The following CSMD1 variants were observed in gnomAD, a reference collection of about 807,000 sequenced individuals.
The protein encoded by CSMD1 is CUB and sushi domain-containing protein 1.
In CSMD1, 213 loss-of-function variants were observed where a neutral mutation model predicts 417.5. The ratio of observed to expected loss-of-function variants is 0.51; its 90% CI spans 0.46 to 0.57. The LOEUF (loss-of-function observed/expected upper bound fraction) is 0.57, where lower values mean the gene tolerates loss of function less well. Ranked by LOEUF, CSMD1 falls within the 20% of genes least tolerant of loss-of-function variation. The pLI is 0.00. For missense variants in CSMD1, 6,923 were observed against 4,529.7 expected, an observed-to-expected ratio of 1.53 and a Z score of -15.17; for synonymous variants, 2,862 against 1,736.8, an observed-to-expected ratio of 1.65 and a Z score of -16.11.
intron 3 of CSMD1, among the ~76,000 whole-genome samples, chr8:4,251,733 C>A (rs1563337783): frequency 6.6e-6 from 1 of 151,916 alleles, no homozygotes; most frequent in South Asian, 2.1e-4. Flanking sequence ...GATGAGACGT[C>A]ACAGTTGTGA....
intron 4 of CSMD1, among the ~76,000 whole-genome samples, chr8:4,026,363 G>C (rs1449606236): frequency 6.6e-6 from 1 of 152,226 alleles, no homozygotes; most frequent in Non-Finnish European, 1.5e-5. Context: ...AAAGTTTCCT[G>C]TGATAAAAGC....
intron 5 of CSMD1, among the ~76,000 whole-genome samples, chr8:3,942,023 G>A (rs927701989): frequency 6.6e-6 from 1 of 152,026 alleles, no homozygotes; most frequent in Non-Finnish European, 1.5e-5. Flanking sequence ...AGTGGCATTA[G>A]ATTCTTATAG....
chr8:3,880,395 C>T (rs759518621), intron 5 of CSMD1, among the ~76,000 whole-genome samples: 3 of 152,120 alleles, frequency 2.0e-5, no homozygotes, highest in Non-Finnish European at 2.9e-5. Flanking sequence ...AAATGAACTG[C>T]CTCATGACCA....
At chr8:3,335,500 A>G (rs1164974532) in intron 23 of CSMD1, among the ~76,000 whole-genome samples, 1 of 152,122 alleles carries the variant, frequency 6.6e-6, no homozygotes, top group Non-Finnish European at 1.5e-5. Flanking sequence ...CAACATAGAG[A>G]AACTCCGTCT....
In CSMD1 at chr8:3,398,639, A is replaced by G. The variant is rs545793225; in HGVS notation, c.2405+752T>C. Among the ~76,000 whole-genome samples, 17 of 152,290 alleles carry G rather than the reference A, an allele frequency of 1.1e-4. No individual in the cohort carries two copies. The East Asian group carries it at 2.5e-3, about 23-fold the overall frequency. On this transcript the variant is annotated intron_variant, in intron 16 of 69. Coordinates refer to ENST00000635120, the MANE Select transcript of CSMD1 (RefSeq NM_033225.6). ...GAAGGTCATTGTTAGAGAAAGCCCA[A>G]TGTTATGCAGAGAATAACCTTGAAA...
intron 5 of CSMD1, among the ~76,000 whole-genome samples, chr8:3,950,485 C>T (rs748204945): frequency 3.3e-5 from 5 of 152,166 alleles, no homozygotes; most frequent in South Asian, 2.1e-4. Context: ...AAACATAACA[C>T]GCCCCTTTAC....
chr8:4,533,772 T>G (rs555895547), intron 2 of CSMD1, among the ~76,000 whole-genome samples: 40 of 151,984 alleles, frequency 2.6e-4, no homozygotes, highest in Middle Eastern at 3.4e-3. Context: ...AGTATTTTAA[T>G]AAAAGTACAC....
chr8:4,859,799 G>C (rs1000743460), intron 1 of CSMD1, among the ~76,000 whole-genome samples: 2 of 151,854 alleles, frequency 1.3e-5, no homozygotes, highest in African/African-American at 4.8e-5. Flanking sequence ...GGAACACTTT[G>C]ACACTGTTGG....
At chr8:4,468,375 G>A (rs572161149) in intron 2 of CSMD1, among the ~76,000 whole-genome samples, 68 of 152,282 alleles carry the variant, frequency 4.5e-4, no homozygotes, top group African/African-American at 1.6e-3. Context: ...CATTAATAAA[G>A]AGGATAATAT....
intron 12 of CSMD1, among the ~76,000 whole-genome samples, chr8:3,451,384 C>G (rs1377430021): frequency 1.3e-5 from 2 of 152,132 alleles, no homozygotes; most frequent in Admixed American, 6.5e-5. Context: ...ACATGAAGTC[C>G]TTGCCCATGG....
chr8:4,262,382 A>G (rs1803948997), intron 3 of CSMD1, among the ~76,000 whole-genome samples: 1 of 152,212 alleles, frequency 6.6e-6, no homozygotes, highest in Non-Finnish European at 1.5e-5. Context: ...GCTGAAAGGA[A>G]TCCCAAACCA....
intron 13 of CSMD1, 81 bp downstream of exon 13, chr8:3,409,342 C>T (rs956675405): frequency 5.2e-5 from 67 of 1,294,768 alleles, no homozygotes; most frequent in Middle Eastern, 2.6e-4. Flanking sequence ...CCTAAATGGG[C>T]GGTCTGTGTC....
At chr8:3,336,618 G>A (rs1221507073) in intron 23 of CSMD1, among the ~76,000 whole-genome samples, 1 of 152,192 alleles carries the variant, frequency 6.6e-6, no homozygotes, top group Non-Finnish European at 1.5e-5. Context: ...TTACCACAGA[G>A]CAAGGGGCAC....
chr8:4,484,012 G>A, intron 2 of CSMD1, among the ~76,000 whole-genome samples: 1 of 152,096 alleles, frequency 6.6e-6, no homozygotes, highest in East Asian at 1.9e-4. Context: ...CCCATTGCCT[G>A]TTGGATGATA....
intron 52 of CSMD1, among the ~76,000 whole-genome samples, chr8:3,005,354 C>G (rs1481734644): frequency 6.6e-6 from 1 of 152,182 alleles, no homozygotes; most frequent in East Asian, 1.9e-4. Context: ...CAAGGAGGAA[C>G]TGGTACCATT....
intron 7 of CSMD1, among the ~76,000 whole-genome samples, chr8:3,650,673 C>A (rs1256921423): frequency 6.6e-6 from 1 of 152,138 alleles, no homozygotes; most frequent in Non-Finnish European, 1.5e-5. Flanking sequence ...GAGAACTGTT[C>A]GAAGTGGTAA....
At chr8:4,607,669 A>C (rs1228228079) in intron 2 of CSMD1, among the ~76,000 whole-genome samples, 2 of 151,904 alleles carry the variant, frequency 1.3e-5, no homozygotes, top group Non-Finnish European at 2.9e-5. Flanking sequence ...CACTTCCAAA[A>C]AATTTCCACC....
intron 7 of CSMD1, among the ~76,000 whole-genome samples, chr8:3,622,353 C>G (rs1374972361): frequency 6.6e-6 from 1 of 152,160 alleles, no homozygotes; most frequent in African/African-American, 2.4e-5. Context: ...ATAATAGACT[C>G]TAGCTTGGTA....
chr8:3,087,167 G>A lies in CSMD1; in HGVS notation c.7404C>T (p.His2468=), dbSNP rs577046907. Residue 2468 remains histidine (H), a synonymous_variant, in exon 49 of 70, where the codon CAC becomes CAT. Coordinates refer to ENST00000635120, the MANE Select transcript of CSMD1 (RefSeq NM_033225.6). ...FCKPGYRMVG[H]SNATCRRNPL... ...GGTTTCGTCTACAGGTTGCATTGCT[G>A]TGGCCGACCATTCGGTATCCAGGCT... The A allele has an allele frequency of 2.5e-6, 4 of 1,613,938 alleles. No homozygotes were observed. The highest frequency in any genetic ancestry group is 2.2e-5 in the South Asian group (2 of 91,070).
Sources: gnomAD v4.1 joint callset for allele counts (sites outside exome capture counted in the v4.1 genomes callset) on GRCh38, gnomAD v4.1.1 for gene constraint, MANE v1.5 for transcripts, NCBI Gene and HGNC (gene_info 2026-07-23, HGNC 2026-07-21) for gene names.